BTC: variants seen among roughly 807,000 people sequenced by gnomAD.
The protein encoded by BTC is probetacellulin.
A neutral mutation model predicts 18.1 loss-of-function variants in BTC; 13 were observed. The observed-to-expected ratio is 0.72, with a 90% CI of 0.47 to 1.14. The LOEUF (loss-of-function observed/expected upper bound fraction) is 1.14. Ranked by LOEUF, BTC falls within the 50% of genes most tolerant of loss-of-function variation. The pLI is 0.00. For missense variants in BTC, 247 were observed against 224.2 expected (o/e 1.10, Z -0.65); for synonymous variants, 83 against 79.4 (o/e 1.05, Z -0.24).
intron 1 of BTC, among the ~76,000 whole-genome samples, chr4:74,778,047 T>C (rs1004420394): frequency 6.6e-6 from 1 of 150,430 alleles, no homozygotes; most frequent in East Asian, 1.9e-4. Flanking sequence ...AAAAAAAAAA[T>C]AGGGAGTGAA....
At chr4:74,776,838 T>C (rs1453845246) in intron 1 of BTC, among the ~76,000 whole-genome samples, 1 of 152,170 alleles carries the variant, frequency 6.6e-6, no homozygotes, top group Non-Finnish European at 1.5e-5. Flanking sequence ...TCACAAAATG[T>C]CCATTCATTT....
intron 1 of BTC, among the ~76,000 whole-genome samples, chr4:74,782,076 A>T (rs749101130): frequency 1.3e-5 from 2 of 152,198 alleles, no homozygotes; most frequent in East Asian, 3.8e-4. Context: ...ATAATCAGTG[A>T]AATGATTCAG....
intron 1 of BTC, among the ~76,000 whole-genome samples, chr4:74,792,366 T>C (rs1390964790): frequency 6.6e-6 from 1 of 152,180 alleles, no homozygotes; most frequent in African/African-American, 2.4e-5. Context: ...CCATCGACTT[T>C]CAATAGTCAT....
At chr4:74,775,151 C>A (rs1007662682) in intron 1 of BTC, among the ~76,000 whole-genome samples, 18 of 151,950 alleles carry the variant, frequency 1.2e-4, no homozygotes, top group Non-Finnish European at 1.0e-4. Flanking sequence ...ATCTAGAGGG[C>A]AGTAGATGAG....
intron 1 of BTC, among the ~76,000 whole-genome samples, chr4:74,782,025 G>A (rs769355786): frequency 5.3e-5 from 8 of 151,982 alleles, no homozygotes; most frequent in Non-Finnish European, 1.2e-4. Flanking sequence ...CATTTACTGA[G>A]GATTTATTGC....
At chr4:74,749,768 C>T (rs72659200) in intron 4 of BTC, among the ~76,000 whole-genome samples, 28,550 of 124,174 alleles carry the variant, frequency 0.23, 3,629 homozygotes, top group Middle Eastern at 0.27. Flanking sequence ...AAAAAAAGTT[C>T]CCAAAAAGAA....
intron 1 of BTC, among the ~76,000 whole-genome samples, chr4:74,774,982 G>A (rs1725139974): frequency 6.6e-6 from 1 of 152,130 alleles, no homozygotes; most frequent in Non-Finnish European, 1.5e-5. Flanking sequence ...GTGACTGGAA[G>A]TGAAAAAAAG....
At chr4:74,777,038 T>C (rs1367558378) in intron 1 of BTC, among the ~76,000 whole-genome samples, 3 of 152,156 alleles carry the variant, frequency 2.0e-5, no homozygotes, top group Non-Finnish European at 4.4e-5. Context: ...ATTAGAAGAA[T>C]ATTTCATTGT....
chr4:74,753,886 TG>T (rs1553956458), intron 3 of BTC, among the ~76,000 whole-genome samples: 8 of 152,232 alleles, frequency 5.3e-5, no homozygotes. Flanking sequence ...TACTTAAATA[TG>T]TTCTTAAAAA....
In BTC at chr4:74,768,358, G is replaced by A. The variant is rs76176163; in HGVS notation, c.163+1700C>T. 3.2e-3 allele frequency among the ~76,000 whole-genome samples: 482 copies of A among 152,208 alleles called. 2 individuals carry two copies. Among genetic ancestry groups the A allele is most frequent in the African/African-American group, 0.011 (453 of 41,548 alleles). ...AAGTCAAAAGGTGGAAGCAACCCAA[G>A]GGTCTACTGACAGATTAATGGATAA... On this transcript the variant is annotated intron_variant, in intron 2 of 5. Transcript: ENST00000395743.
intron 1 of BTC, among the ~76,000 whole-genome samples, chr4:74,775,743 A>T (rs773405465): frequency 1.2e-4 from 19 of 152,102 alleles, no homozygotes; most frequent in Non-Finnish European, 1.8e-4. Context: ...CCTTCCTGTT[A>T]TTTTACTCTG....
At chr4:74,751,715 C>A (rs1466660576) in intron 3 of BTC, among the ~76,000 whole-genome samples, 1 of 152,146 alleles carries the variant, frequency 6.6e-6, no homozygotes, top group Non-Finnish European at 1.5e-5. Context: ...ATAGAATTAT[C>A]TGAACTGCAT....
intron 5 of BTC, among the ~76,000 whole-genome samples, 176 bp downstream of exon 5, chr4:74,747,864 T>A (rs2109874608): frequency 6.6e-6 from 1 of 152,262 alleles, no homozygotes; most frequent in South Asian, 2.1e-4. Flanking sequence ...AGAAAAAAGA[T>A]ATGAGGAAGT....
At chr4:74,770,915 ATGTGTG>A (rs61202126) in intron 1 of BTC, among the ~76,000 whole-genome samples, 20,452 of 141,898 alleles carry the variant, frequency 0.14, 2,397 homozygotes, top group African/African-American at 0.34. Context: ...TATATCGTGT[ATGTGTG>A]TGTGTGTGTG....
chr4:74,748,033 C>T lies in BTC; in HGVS notation c.*1+7G>A, dbSNP rs1577943898. 1.3e-6 allele frequency: 2 copies of T among 1,531,762 alleles called. No individual in the cohort carries two copies. The highest frequency in any genetic ancestry group is 3.5e-5 in the Admixed American group (2 of 56,896). 94.9% of individuals were successfully genotyped at this position (1,531,762 alleles called of 1,614,324 possible). The stretch of plus-strand genomic sequence containing the variant: ...TAGTTTTCTATCAGCAAGTTTATCT[C>T]ACTTACTTTAAGCAATATTTGTCTC... On this transcript the variant is annotated splice_region_variant and intron_variant, in intron 5 of 5. Coordinates refer to ENST00000395743, the MANE Select transcript of BTC (RefSeq NM_001729.4).
intron 1 of BTC, among the ~76,000 whole-genome samples, chr4:74,791,416 T>C (rs564579522): frequency 6.9e-4 from 105 of 152,258 alleles, no homozygotes; most frequent in African/African-American, 2.3e-3. Context: ...AAAATCTCAT[T>C]TTTTGAGAAA....
chr4:74,780,896 C>CTT (rs779129954), intron 1 of BTC, among the ~76,000 whole-genome samples: 12 of 98,964 alleles, frequency 1.2e-4, no homozygotes, highest in Admixed American at 3.4e-4. Flanking sequence ...CTGAGAGTTT[C>CTT]TTTTTTTTTT....
intron 1 of BTC, among the ~76,000 whole-genome samples, chr4:74,776,903 T>C (rs1725189709): frequency 6.6e-6 from 1 of 152,216 alleles, no homozygotes; most frequent in South Asian, 2.1e-4. Context: ...TCTACTTATG[T>C]ATACTAAATC....
chr4:74,751,722 G>A (rs1161913037), intron 3 of BTC, among the ~76,000 whole-genome samples: 1 of 152,114 alleles, frequency 6.6e-6, no homozygotes, highest in African/African-American at 2.4e-5. Context: ...TATCTGAACT[G>A]CATCAGAGAA....
Sources: gnomAD v4.1 joint callset for allele counts (sites outside exome capture counted in the v4.1 genomes callset) on GRCh38, gnomAD v4.1.1 for gene constraint, MANE v1.5 for transcripts, NCBI Gene and HGNC (gene_info 2026-07-23, HGNC 2026-07-21) for gene names.